Variants in AKIRIN2 observed in about 807,000 individuals in gnomAD.
The protein encoded by AKIRIN2 is akirin-2.
In AKIRIN2, 6 loss-of-function variants were observed where a neutral mutation model predicts 29.3. The ratio of observed to expected loss-of-function variants is 0.20; its 90% confidence interval spans 0.11 to 0.40. The LOEUF is 0.40. Among genes scored for constraint, AKIRIN2 ranks in the 10% least tolerant of loss-of-function variants. The pLI is 1.00. For missense variants in AKIRIN2, 210 were observed against 276.1 expected (o/e 0.76, Z 1.70); for synonymous variants, 128 against 117.5 (o/e 1.09, Z -0.58).
rs566809051 is a variant in AKIRIN2, at chr6:87,676,579, A to AC, written c.530-649dup. Among the ~76,000 whole-genome samples, 60 of 147,454 alleles carry AC rather than the reference A, an allele frequency of 4.1e-4. No individual in the cohort carries two copies. In the East Asian group the frequency reaches 0.012, roughly 29 times the overall value. On this transcript the variant is annotated intron_variant, in intron 3 of 4. Coordinates refer to ENST00000257787, the MANE Select transcript of AKIRIN2 (RefSeq NM_018064.4). ...AAGCCATCCTGGCTAACATGGTGAAACCCCGTCTCTACTAAAAACACACAC... is the reference window on the plus strand; with the variant it reads ...AAGCCATCCTGGCTAACATGGTGAAACCCCCGTCTCTACTAAAAACACACAC...
At position 87,702,153 on chromosome 6, in the gene AKIRIN2, T is replaced by C. The variant is rs1451866093; in HGVS notation, c.-469A>G. ...TCAGTAGCTTGCGAGCGGCGATCGA[T>C]GCAGAGAGATTGCGAGGTAGCTGCC... On this transcript the variant is annotated 5_prime_UTR_variant, in exon 1 of 5. Transcript: ENST00000257787. 7.5e-6 allele frequency: 3 copies of C among 398,602 alleles called. No individual in the cohort carries two copies. The Admixed American group carries it at 1.3e-4, about 18-fold the overall frequency. 24.7% of individuals were successfully genotyped at this position (398,602 alleles called of 1,614,324 possible).
chr6:87,697,592 A>G lies in AKIRIN2; in HGVS notation c.235+3858T>C, dbSNP rs140521980. Among the ~76,000 whole-genome samples the G allele has an allele frequency of 1.8e-3, 278 of 152,356 alleles. 2 individuals are homozygous for G. The highest frequency in any genetic ancestry group is 8.5e-3 in the South Asian group (41 of 4,830). ...GGCTCAATGTAAATGACATCTGAAGAGAGATGCTGCCTCCTCCAACAGACG... is the reference window on the plus strand; with the variant it reads ...GGCTCAATGTAAATGACATCTGAAGGGAGATGCTGCCTCCTCCAACAGACG... On this transcript the variant is annotated intron_variant, in intron 1 of 4. Coordinates refer to ENST00000257787, the MANE Select transcript of AKIRIN2 (RefSeq NM_018064.4).
chr6:87,679,132 T>C lies in AKIRIN2; in HGVS notation c.380-1165A>G, dbSNP rs576974558. Among the ~76,000 whole-genome samples, 130 of 119,360 alleles carry C rather than the reference T, an allele frequency of 1.1e-3. 1 individual carries two copies. Among genetic ancestry groups the C allele is most frequent in the Non-Finnish European group, 1.3e-3 (80 of 61,750 alleles). 78.3% of individuals were successfully genotyped at this position (119,360 alleles called of 152,430 possible). On this transcript the variant is annotated intron_variant, in intron 2 of 4. Coordinates refer to ENST00000257787, the MANE Select transcript of AKIRIN2 (RefSeq NM_018064.4). Reference sequence around the variant, plus strand: ...CCTAGGCAACAAGAGTGAAACTTCATCTCAGAAAAAAAAAAAAAAAAAGAA... The same window carrying C: ...CCTAGGCAACAAGAGTGAAACTTCACCTCAGAAAAAAAAAAAAAAAAAGAA...
At chr6:87,678,556 A>G (rs1771065320) in intron 2 of AKIRIN2, among the ~76,000 whole-genome samples, 1 of 152,138 alleles carries the variant, frequency 6.6e-6, no homozygotes, top group Non-Finnish European at 1.5e-5. Flanking sequence ...CATAAAACTT[A>G]AACATTACAA....
intron 1 of AKIRIN2, chr6:87,700,837 GT>G (rs1771448692): frequency 6.5e-6 from 1 of 154,740 alleles, no homozygotes; most frequent in Admixed American, 6.5e-5. Context: ...TTTCTTTGTT[GT>G]TGACCCTGCT....
chr6:87,682,469 T>A (rs546317034), intron 1 of AKIRIN2, among the ~76,000 whole-genome samples: 1 of 152,290 alleles, frequency 6.6e-6, no homozygotes, highest in Non-Finnish European at 1.5e-5. Context: ...ATCACACAAA[T>A]GAGTAAAATT....
intron 3 of AKIRIN2, among the ~76,000 whole-genome samples, chr6:87,677,364 T>G (rs1771034300): frequency 2.0e-5 from 3 of 152,218 alleles, no homozygotes; most frequent in African/African-American, 7.2e-5. Flanking sequence ...AACATTCTAT[T>G]TATGTTACCA....
At chr6:87,687,412 C>A (rs1251879750) in intron 1 of AKIRIN2, among the ~76,000 whole-genome samples, 1 of 112,946 alleles carries the variant, frequency 8.9e-6, no homozygotes, top group Non-Finnish European at 1.7e-5. Context: ...GCACTCCAGC[C>A]TGGGCAACAA....
Position 87,677,822 on chromosome 6 carries a change from A to G in AKIRIN2, c.525T>C (p.Leu175=). Reference sequence around the variant, plus strand: ...TCTAATAAACACACCTCATACCTGCAAGTTTTGTGTTCAATATTTCTTCAT... The same window carrying G: ...TCTAATAAACACACCTCATACCTGCGAGTTTTGTGTTCAATATTTCTTCAT... ...EEYEEILNTK[L]AEQYDAFVKF... is the part of the protein sequence containing the mutation. Residue 175 remains leucine (L), a synonymous_variant, in exon 3 of 5, where the codon CTT becomes CTC. Transcript: ENST00000257787. The G allele has an allele frequency of 6.2e-7, 1 of 1,613,558 alleles. No homozygotes were observed. Among genetic ancestry groups the G allele is most frequent in the Non-Finnish European group, 8.5e-7 (1 of 1,179,722 alleles).
intron 1 of AKIRIN2, among the ~76,000 whole-genome samples, chr6:87,687,582 A>G (rs1049403146): frequency 6.6e-6 from 1 of 152,174 alleles, no homozygotes; most frequent in Non-Finnish European, 1.5e-5. Flanking sequence ...ATTCTTATCC[A>G]ACCAAGAGCT....
At chr6:87,681,317 C>T (rs1344437568) in intron 2 of AKIRIN2, among the ~76,000 whole-genome samples, 2 of 152,206 alleles carry the variant, frequency 1.3e-5, no homozygotes, top group East Asian at 1.9e-4. Context: ...GCTGGGATTA[C>T]AGGCATGAGC....
At position 87,681,609 on chromosome 6, in the gene AKIRIN2, AAT is replaced by A. The variant is rs1161031754; in HGVS notation, c.379+9_379+10del. On this transcript the variant is annotated intron_variant, in intron 2 of 4. Transcript: ENST00000257787. ...ATAATAAACTTTGTAAATGACAAGA[AAT>A]GTTATTACCTGGTGAAGCTGGTCCA... 4 of 1,594,378 alleles carry A rather than the reference AAT, an allele frequency of 2.5e-6. No homozygotes were observed. Among genetic ancestry groups the A allele is most frequent in the Non-Finnish European group, 3.4e-6 (4 of 1,174,794 alleles).
chr6:87,680,711 C>T (rs113710357), intron 2 of AKIRIN2, among the ~76,000 whole-genome samples: 1,806 of 151,612 alleles, frequency 0.012, 39 homozygotes, highest in African/African-American at 0.04. Context: ...TGATGGCTCT[C>T]TCTCAGCAAA....
At chr6:87,679,223 A>G (rs771348862) in intron 2 of AKIRIN2, among the ~76,000 whole-genome samples, 1 of 152,020 alleles carries the variant, frequency 6.6e-6, no homozygotes, top group Non-Finnish European at 1.5e-5. Context: ...TCCTTTTTAG[A>G]AAAGATTAAA....
At chr6:87,687,454 A>AAAAAC (rs1771207266) in intron 1 of AKIRIN2, among the ~76,000 whole-genome samples, 1 of 149,516 alleles carries the variant, frequency 6.7e-6, no homozygotes, top group Non-Finnish European at 1.5e-5. Flanking sequence ...AAAAAAAAAA[A>AAAAAC]AACACACTAC....
chr6:87,686,938 C>T (rs1451197937), intron 1 of AKIRIN2, among the ~76,000 whole-genome samples: 2 of 149,694 alleles, frequency 1.3e-5, no homozygotes, highest in African/African-American at 2.5e-5. Context: ...CCCAGCTACT[C>T]GGGAGACTGA....
In AKIRIN2 at chr6:87,701,623, G is replaced by A. The variant is rs761344991; in HGVS notation, c.62C>T (p.Ser21Phe). The change falls in exon 1 of 5, where the codon TCC becomes TTC. Residue 21 changes from serine (S) to phenylalanine (F), a missense_variant. By Grantham distance (155) the Ser-to-Phe change is radical. This residue lies in a region of AKIRIN2 where 199 missense variants were observed against 236.5 expected (regional missense o/e 0.84). Coordinates refer to ENST00000257787, the MANE Select transcript of AKIRIN2 (RefSeq NM_018064.4). ...TGGCGCACATCGCCTGCGCTTCGGGGACGCCGGGCTCAACAGCGGGTCGAA... is the reference window on the plus strand; with the variant it reads ...TGGCGCACATCGCCTGCGCTTCGGGAACGCCGGGCTCAACAGCGGGTCGAA... The part of the protein sequence containing the change: ...LDFDPLLSPA[S>F]PKRRRCAPLS... 2.9e-5 allele frequency: 42 copies of A among 1,458,756 alleles called. No homozygotes were observed. Among genetic ancestry groups the A allele is most frequent in the Non-Finnish European group, 1.9e-5 (21 of 1,108,800 alleles). 90.4% of individuals were successfully genotyped at this position (1,458,756 alleles called of 1,614,324 possible). A position where few individuals can be genotyped will look rare whatever the true frequency, so the allele number is the denominator to read the frequency against.
Position 87,701,646 on chromosome 6 carries a change from G to A in AKIRIN2, c.39C>T (p.Phe13=). Residue 13 remains phenylalanine, a synonymous_variant, in exon 1 of 5, where the codon TTC becomes TTT. Transcript: ENST00000257787. ...GGGACGCCGGGCTCAACAGCGGGTC[G>A]AAATCCAGAGTCCTTTTCAGAGTGG... ...CGATLKRTLD[F]DPLLSPASPK... 2.7e-6 allele frequency: 4 copies of A among 1,468,792 alleles called. No individual in the cohort carries two copies. Among genetic ancestry groups the A allele is most frequent in the Non-Finnish European group, 3.6e-6 (4 of 1,114,110 alleles). The allele number at this position is 1,468,792 out of a possible 1,614,324, so 91.0% of individuals were successfully genotyped here. A position where few individuals can be genotyped will look rare whatever the true frequency, so the allele number is the denominator to read the frequency against.
At chr6:87,679,395 G>A (rs1206349990) in intron 2 of AKIRIN2, among the ~76,000 whole-genome samples, 5 of 151,992 alleles carry the variant, frequency 3.3e-5, no homozygotes, top group East Asian at 1.9e-4. Flanking sequence ...GTGGTGGCAC[G>A]TGCCTGTAGT....
Sources: allele counts gnomAD v4.1 joint callset (sites outside exome capture counted in the v4.1 genomes callset), GRCh38; gene constraint gnomAD v4.1.1; regional missense constraint gnomAD v4.1.1; transcripts MANE v1.5; gene names NCBI Gene and HGNC (gene_info 2026-07-23, HGNC 2026-07-21).